Variants in DHRSX observed in about 807,000 individuals in gnomAD.
DHRSX encodes polyprenol dehydrogenase.
DHRSX carries 31 observed loss-of-function variants against 34.0 expected under a neutral mutation model. The ratio of observed to expected loss-of-function variants is 0.91; its 90% CI spans 0.69 to 1.23. The LOEUF (loss-of-function observed/expected upper bound fraction) is 1.23, where lower values mean the gene tolerates loss of function less well. DHRSX is among the 50% of genes most tolerant of loss of function. The probability of loss-of-function intolerance (pLI) is 0.00; values close to 1 mark genes in which losing one functional copy is unlikely to be tolerated. For synonymous variants in DHRSX, 201 were observed against 183.8 expected, an observed-to-expected ratio of 1.09 and a Z score of -0.76; for missense variants, 414 against 428.1, an observed-to-expected ratio of 0.97 and a Z score of 0.29.
At chrX:2,324,163 G>T (rs1485502554) in intron 3 of DHRSX, among the ~76,000 whole-genome samples, 2 of 152,050 alleles carry the variant, frequency 1.3e-5, no homozygotes, top group Middle Eastern at 3.2e-3. Flanking sequence ...TTATCTGGTA[G>T]ACCAGATACC....
chrX:2,475,954 C>A (rs959741199), intron 1 of DHRSX, among the ~76,000 whole-genome samples: 26 of 152,178 alleles, frequency 1.7e-4, no homozygotes, highest in African/African-American at 5.6e-4. Flanking sequence ...ATAAATGGCT[C>A]CCTTAACTCT....
At chrX:2,346,659 G>GTTC (rs2042717895) in intron 3 of DHRSX, among the ~76,000 whole-genome samples, 1 of 150,066 alleles carries the variant, frequency 6.7e-6, no homozygotes, top group Non-Finnish European at 1.5e-5. Flanking sequence ...TTTTTTTGTT[G>GTTC]TTGTTGTTTA....
chrX:2,488,625 C>A (rs770418143), intron 1 of DHRSX: 11 of 1,583,714 alleles, frequency 6.9e-6, no homozygotes, highest in Admixed American at 3.7e-5. Flanking sequence ...TAAGACAACA[C>A]GCTTCCTCGC....
At chrX:2,238,409 C>T (rs1304448214) in intron 6 of DHRSX, among the ~76,000 whole-genome samples, 1 of 152,018 alleles carries the variant, frequency 6.6e-6, no homozygotes, top group Non-Finnish European at 1.5e-5. Flanking sequence ...ACTGGTCGCC[C>T]AGGTTACTGG....
chrX:2,284,217 C>T (rs1220884881), intron 4 of DHRSX, among the ~76,000 whole-genome samples: 2 of 152,254 alleles, frequency 1.3e-5, no homozygotes, highest in South Asian at 2.1e-4. Context: ...TGAATTCATT[C>T]GTTCCTTTGA....
intron 5 of DHRSX, among the ~76,000 whole-genome samples, chrX:2,252,067 G>A (rs1199341662): frequency 7.2e-5 from 11 of 151,916 alleles, no homozygotes; most frequent in South Asian, 2.1e-4. Flanking sequence ...GTGAAACCCC[G>A]TCTCTACTAA....
At chrX:2,248,755 G>C (rs1382112270) in intron 5 of DHRSX, among the ~76,000 whole-genome samples, 1 of 151,896 alleles carries the variant, frequency 6.6e-6, no homozygotes, top group Admixed American at 6.6e-5. Context: ...GAAGGAAGGC[G>C]CACTGCTCAG....
chrX:2,321,134 A>G (rs1448651586), intron 3 of DHRSX, among the ~76,000 whole-genome samples: 1 of 152,126 alleles, frequency 6.6e-6, no homozygotes. Flanking sequence ...GAGCCTAAGT[A>G]TATCTTCATG....
At chrX:2,445,340 C>T (rs952563019) in intron 1 of DHRSX, among the ~76,000 whole-genome samples, 10 of 152,052 alleles carry the variant, frequency 6.6e-5, no homozygotes, top group African/African-American at 2.4e-4. Context: ...TTATATAAGC[C>T]CACGTCCTAT....
At position 2,470,981 on chromosome X, in the gene DHRSX, GTTAA is replaced by G. The variant is rs202133787; in HGVS notation, c.109+29832_109+29835del. 3.5e-3 allele frequency among the ~76,000 whole-genome samples: 458 copies of G among 129,494 alleles called. 6 individuals carry two copies. The highest frequency in any genetic ancestry group is 0.012 in the African/African-American group (402 of 32,438). 85.0% of individuals were successfully genotyped at this position (129,494 alleles called of 152,430 possible). ...AATTAGCCTGATTATTAATATGTTA[GTTAA>G]TGTGATTGTTAATATGGTAACTAGC... On this transcript the variant is annotated intron_variant, in intron 1 of 6. Coordinates refer to ENST00000334651, the MANE Select transcript of DHRSX (RefSeq NM_145177.3).
At chrX:2,346,821 C>T (rs1169680405) in intron 3 of DHRSX, among the ~76,000 whole-genome samples, 1 of 151,874 alleles carries the variant, frequency 6.6e-6, no homozygotes, top group Non-Finnish European at 1.5e-5. Context: ...CCCGACAGGC[C>T]CCAGTGTGTG....
chrX:2,312,508 A>AG (rs1569486917), intron 3 of DHRSX, among the ~76,000 whole-genome samples: 1 of 151,910 alleles, frequency 6.6e-6, no homozygotes, highest in Admixed American at 6.6e-5. Context: ...TTCACTCATA[A>AG]GGGGGAGTTG....
At chrX:2,277,143 G>A (rs1269932198) in intron 4 of DHRSX, among the ~76,000 whole-genome samples, 1 of 16,584 alleles carries the variant, frequency 6.0e-5, no homozygotes, top group Non-Finnish European at 1.5e-4. Context: ...AGAGAAGGAA[G>A]AGGAGGAAAT....
chrX:2,438,178 G>GAA (rs57891933), intron 1 of DHRSX, among the ~76,000 whole-genome samples: 10 of 127,044 alleles, frequency 7.9e-5, no homozygotes, highest in East Asian at 7.0e-4. Context: ...CTCCATCTCA[G>GAA]AAAAAAAAAA....
rs1303439137 is a variant in DHRSX, at chrX:2,500,936, G to C, written c.-11C>G. The C allele has an allele frequency of 9.5e-7, 1 of 1,051,904 alleles. No homozygotes were observed. The highest frequency in any genetic ancestry group is 1.7e-5 in the African/African-American group (1 of 58,190). 65.2% of individuals were successfully genotyped at this position (1,051,904 alleles called of 1,614,324 possible). A position where few individuals can be genotyped will look rare whatever the true frequency, so the allele number is the denominator to read the frequency against. ...AGACAATGGCGACATGGCTGCCCCG[G>C]CCGCGCCGCCGCCGCTTCCGCGCCG... On this transcript the variant is annotated 5_prime_UTR_variant, in exon 1 of 7. Coordinates refer to ENST00000334651, the MANE Select transcript of DHRSX (RefSeq NM_145177.3).
chrX:2,252,198 T>C (rs1279925158), intron 5 of DHRSX, among the ~76,000 whole-genome samples: 2 of 151,996 alleles, frequency 1.3e-5, no homozygotes, highest in South Asian at 2.1e-4. Flanking sequence ...TACCACGCCA[T>C]TGCACTCCAG....
At chrX:2,308,926 A>C (rs1399265487) in intron 3 of DHRSX, among the ~76,000 whole-genome samples, 3 of 152,030 alleles carry the variant, frequency 2.0e-5, no homozygotes, top group Non-Finnish European at 4.4e-5. Context: ...CCCAGAAAAT[A>C]CTGTCAATAA....
At chrX:2,411,189 A>G (rs1397726151) in intron 2 of DHRSX, among the ~76,000 whole-genome samples, 2 of 152,118 alleles carry the variant, frequency 1.3e-5, no homozygotes, top group Non-Finnish European at 2.9e-5. Context: ...AATCCCATGA[A>G]CTTTTTAAAT....
chrX:2,366,581 C>T (rs2042996702), intron 3 of DHRSX, among the ~76,000 whole-genome samples: 1 of 152,052 alleles, frequency 6.6e-6, no homozygotes, highest in African/African-American at 2.4e-5. Context: ...GCATTCTTTG[C>T]TGCATCCTGG....
Sources: gnomAD v4.1 joint callset for allele counts (sites outside exome capture counted in the v4.1 genomes callset) on GRCh38, gnomAD v4.1.1 for gene constraint, MANE v1.5 for transcripts, NCBI Gene and HGNC (gene_info 2026-07-23, HGNC 2026-07-21) for gene names.